The following GPC5 variants were observed in gnomAD, a reference collection of about 807,000 sequenced individuals.
The protein encoded by GPC5 is glypican-5.
In GPC5, 47 loss-of-function variants were observed where a neutral mutation model predicts 53.9. The observed-to-expected ratio is 0.87, with a 90% CI of 0.69 to 1.11. The LOEUF (loss-of-function observed/expected upper bound fraction) is 1.11, where lower values mean the gene tolerates loss of function less well. Among genes scored for constraint, GPC5 ranks in the 50% most tolerant of loss-of-function variants. The pLI, the probability that GPC5 is intolerant of heterozygous loss-of-function variation, is 0.00. For missense variants in GPC5, 748 were observed against 713.1 expected (o/e 1.05, Z -0.56); for synonymous variants, 286 against 263.3 (o/e 1.09, Z -0.84).
chr13:91,941,341 T>C lies in GPC5; in HGVS notation c.1401+33284T>C, dbSNP rs1191661279. Among the ~76,000 whole-genome samples, 3 of 152,134 alleles carry C rather than the reference T, an allele frequency of 2.0e-5. No individual in the cohort carries two copies. The South Asian group carries it at 6.2e-4, about 31-fold the overall frequency. Reference sequence around the variant, plus strand: ...TGCTTTGGCTATGTAGGCTCTGGGCTTTTTTATTTTTATTTTTTGACATGA... The same window carrying C: ...TGCTTTGGCTATGTAGGCTCTGGGCCTTTTTATTTTTATTTTTTGACATGA... On this transcript the variant is annotated intron_variant, in intron 6 of 7. Transcript: ENST00000377067.
chr13:91,498,680 C>T (rs962067475), intron 2 of GPC5, among the ~76,000 whole-genome samples: 8 of 151,940 alleles, frequency 5.3e-5, no homozygotes, highest in African/African-American at 1.9e-4. Flanking sequence ...AAATGGTGGT[C>T]AGGGTAGCTG....
chr13:92,209,131 A>G (rs2042357518), intron 7 of GPC5, among the ~76,000 whole-genome samples: 1 of 152,242 alleles, frequency 6.6e-6, no homozygotes, highest in South Asian at 2.1e-4. Flanking sequence ...TACATAATTT[A>G]TATTACAACT....
chr13:92,861,822 C>G (rs111235437), intron 7 of GPC5, among the ~76,000 whole-genome samples: 7,127 of 152,032 alleles, frequency 0.047, 518 homozygotes, highest in African/African-American at 0.16. Flanking sequence ...TGTTTACTTC[C>G]TCATTATTTT....
chr13:92,310,123 A>T (rs1274039871), intron 7 of GPC5, among the ~76,000 whole-genome samples: 2 of 151,986 alleles, frequency 1.3e-5, no homozygotes, highest in Non-Finnish European at 2.9e-5. Flanking sequence ...TTGTATGTGT[A>T]TGTATGTTTA....
intron 5 of GPC5, among the ~76,000 whole-genome samples, chr13:91,831,921 A>G (rs989663886): frequency 6.6e-6 from 1 of 151,958 alleles, no homozygotes; most frequent in Non-Finnish European, 1.5e-5. Flanking sequence ...GGTGCTGAGA[A>G]TTATGCATAT....
At chr13:92,849,428 A>G (rs1297764049) in intron 7 of GPC5, among the ~76,000 whole-genome samples, 1 of 152,246 alleles carries the variant, frequency 6.6e-6, no homozygotes, top group Admixed American at 6.5e-5. Context: ...AATAAATGTA[A>G]TAAGCATCAC....
rs192043021 is a variant in GPC5 at position 92,812,160 on chromosome 13, T to C, written c.1562-54122T>C. Among the ~76,000 whole-genome samples the C allele has an allele frequency of 1.5e-3, 226 of 152,098 alleles. 2 individuals are homozygous for C. The highest frequency in any genetic ancestry group is 5.2e-3 in the African/African-American group (217 of 41,398). ...TTTGATAAGAAGTGCATTGAACCTA[T>C]AGATCACTTTGAGTAGTACTGACAT... On this transcript the variant is annotated intron_variant, in intron 7 of 7. Coordinates refer to ENST00000377067, the MANE Select transcript of GPC5 (RefSeq NM_004466.6).
At chr13:92,478,414 C>T (rs1168322074) in intron 7 of GPC5, among the ~76,000 whole-genome samples, 1 of 152,058 alleles carries the variant, frequency 6.6e-6, no homozygotes, top group East Asian at 1.9e-4. Flanking sequence ...CATATATGAA[C>T]TGAATCTCAG....
At chr13:92,495,253 T>G (rs1879927575) in intron 7 of GPC5, among the ~76,000 whole-genome samples, 1 of 152,240 alleles carries the variant, frequency 6.6e-6, no homozygotes, top group Admixed American at 6.5e-5. Context: ...TTTTAAATGT[T>G]CTCTTCATCT....
In GPC5 at chr13:91,738,106, C is replaced by T. The variant is rs948143959; in HGVS notation, c.1154+9441C>T. On this transcript the variant is annotated intron_variant, in intron 4 of 7. Coordinates refer to ENST00000377067, the MANE Select transcript of GPC5 (RefSeq NM_004466.6). ...ATGGGAAATAAAATTTGCCTTGTTA[C>T]ACAGGTAAACTTCGCACTGGTGATA... 4.8e-4 allele frequency among the ~76,000 whole-genome samples: 72 copies of T among 151,368 alleles called. 4 individuals carry two copies. Among genetic ancestry groups the T allele is most frequent in the African/African-American group, 1.7e-3 (70 of 40,718 alleles).
intron 3 of GPC5, among the ~76,000 whole-genome samples, chr13:91,716,430 A>G (rs1416770425): frequency 1.3e-5 from 2 of 152,234 alleles, no homozygotes; most frequent in Non-Finnish European, 2.9e-5. Context: ...GATACTGTGA[A>G]TATTTAAATG....
intron 1 of GPC5, among the ~76,000 whole-genome samples, chr13:91,420,823 C>T (rs149567924): frequency 4.1e-4 from 62 of 152,300 alleles, no homozygotes; most frequent in African/African-American, 1.4e-3. Flanking sequence ...GTATAAGGTT[C>T]CTGCTTCCCC....
At chr13:92,301,944 TCAAA>T (rs1378810992) in intron 7 of GPC5, among the ~76,000 whole-genome samples, 2 of 152,006 alleles carry the variant, frequency 1.3e-5, no homozygotes, top group East Asian at 1.9e-4. Context: ...ACCACAGCTC[TCAAA>T]CATTTTATAA....
chr13:92,841,591 A>G (rs1031982697), intron 7 of GPC5, among the ~76,000 whole-genome samples: 8 of 152,102 alleles, frequency 5.3e-5, no homozygotes, highest in African/African-American at 1.4e-4. Context: ...GAGGACATTA[A>G]CTACAACAAC....
intron 7 of GPC5, among the ~76,000 whole-genome samples, chr13:92,672,791 C>A (rs1939084516): frequency 6.6e-6 from 1 of 152,080 alleles, no homozygotes; most frequent in Non-Finnish European, 1.5e-5. Context: ...GAAGAGAAAA[C>A]CAAACACCGC....
chr13:92,199,019 C>T (rs1191951658), intron 7 of GPC5, among the ~76,000 whole-genome samples: 1 of 152,152 alleles, frequency 6.6e-6, no homozygotes, highest in East Asian at 1.9e-4. Context: ...CCAAAAAATA[C>T]TGTTTGATAC....
At chr13:91,552,885 T>G (rs1051226643) in intron 2 of GPC5, among the ~76,000 whole-genome samples, 2 of 152,146 alleles carry the variant, frequency 1.3e-5, no homozygotes, top group African/African-American at 2.4e-5. Context: ...GAATGTTGTA[T>G]TTTATGGATT....
intron 5 of GPC5, among the ~76,000 whole-genome samples, chr13:91,837,418 A>G (rs1208082147): frequency 6.6e-6 from 1 of 152,054 alleles, no homozygotes. Flanking sequence ...CTTTAGCTTA[A>G]TGACCCAGCT....
At chr13:92,003,038 C>A (rs2040569932) in intron 6 of GPC5, among the ~76,000 whole-genome samples, 1 of 152,116 alleles carries the variant, frequency 6.6e-6, no homozygotes, top group Non-Finnish European at 1.5e-5. Flanking sequence ...TGGCCAGGCA[C>A]AGTGGCTCAC....
Sources: allele counts gnomAD v4.1 joint callset (sites outside exome capture counted in the v4.1 genomes callset), GRCh38; gene constraint gnomAD v4.1.1; transcripts MANE v1.5; gene names NCBI Gene and HGNC (gene_info 2026-07-23, HGNC 2026-07-21).